GRAMD4: variants seen among roughly 807,000 people sequenced by gnomAD.
The protein encoded by GRAMD4 is GRAM domain containing 4, also known as GRAM domain-containing protein 4.
GRAMD4 carries 25 observed loss-of-function variants against 83.9 expected under a neutral mutation model. That is an observed-to-expected ratio of 0.30 (90% CI 0.22 to 0.42). The LOEUF is 0.42. Ranked by LOEUF, GRAMD4 falls within the 10% of genes least tolerant of loss-of-function variation. The pLI, the probability that GRAMD4 is intolerant of heterozygous loss-of-function variation, is 1.00. For synonymous variants in GRAMD4, 336 were observed against 320.9 expected (o/e 1.05, Z -0.50); for missense variants, 593 against 788.7 (o/e 0.75, Z 2.97).
chr22:46,631,507 G>T (rs2081777853), intron 2 of GRAMD4, among the ~76,000 whole-genome samples: 1 of 23,242 alleles, frequency 4.3e-5, no homozygotes, highest in African/African-American at 2.4e-4. Flanking sequence ...ACCGGGGATG[G>T]GTAGAACCTC....
intron 1 of GRAMD4, among the ~76,000 whole-genome samples, chr22:46,607,917 C>T (rs1165633612): frequency 2.0e-5 from 3 of 152,164 alleles, no homozygotes; most frequent in Non-Finnish European, 4.4e-5. Flanking sequence ...CTCCTCTGAG[C>T]ACCTTCCTGG....
At chr22:46,681,160 A>G (rs949518804), downstream of GRAMD4, among the ~76,000 whole-genome samples, 3 of 150,482 alleles carry the variant, frequency 2.0e-5, no homozygotes, top group East Asian at 5.9e-4. Flanking sequence ...GGCAGCCCAC[A>G]CTGACCCCTC....
chr22:46,671,724 C>T (rs2082509081), intron 13 of GRAMD4, among the ~76,000 whole-genome samples: 3 of 150,864 alleles, frequency 2.0e-5, no homozygotes, highest in Admixed American at 2.0e-4. Flanking sequence ...GGTAGGCTCC[C>T]AGCTACTCGA....
intron 2 of GRAMD4, among the ~76,000 whole-genome samples, chr22:46,633,265 A>G (rs1293744913): frequency 2.0e-5 from 3 of 152,194 alleles, no homozygotes; most frequent in African/African-American, 7.2e-5. Context: ...CCCCAGTGCC[A>G]GCATTGTCTG....
intron 1 of GRAMD4, among the ~76,000 whole-genome samples, chr22:46,625,917 C>G (rs895998049): frequency 1.3e-5 from 2 of 152,222 alleles, no homozygotes; most frequent in African/African-American, 4.8e-5. Flanking sequence ...CACAGTGACT[C>G]GCACCTCAGT....
chr22:46,584,138 T>G (rs2081124521), intron 1 of GRAMD4, among the ~76,000 whole-genome samples: 1 of 152,134 alleles, frequency 6.6e-6, no homozygotes, highest in East Asian at 1.9e-4. Context: ...GTGTGAGTCC[T>G]TCCTCACTTT....
chr22:46,585,148 C>A (rs755013381), intron 1 of GRAMD4, among the ~76,000 whole-genome samples: 1 of 151,554 alleles, frequency 6.6e-6, no homozygotes, highest in Non-Finnish European at 1.5e-5. Context: ...GTTTTCCAGG[C>A]AGCATTTTGG....
chr22:46,580,612 T>G (rs2081088039), intron 1 of GRAMD4, among the ~76,000 whole-genome samples: 1 of 152,120 alleles, frequency 6.6e-6, no homozygotes, highest in Non-Finnish European at 1.5e-5. Flanking sequence ...ATGTAATAGT[T>G]TAACTTGAGA....
chr22:46,612,667 C>A (rs930493044), intron 1 of GRAMD4, among the ~76,000 whole-genome samples: 1 of 152,210 alleles, frequency 6.6e-6, no homozygotes, highest in African/African-American at 2.4e-5. Flanking sequence ...ACCTGGAAAC[C>A]GAGGGTTAGG....
chr22:46,674,128 G>A (rs1433823202), intron 15 of GRAMD4, among the ~76,000 whole-genome samples: 1 of 152,270 alleles, frequency 6.6e-6, no homozygotes, highest in East Asian at 1.9e-4. Flanking sequence ...GGCGCTGGCA[G>A]GGGGTCTGCC....
chr22:46,599,044 G>T (rs1428377216), intron 1 of GRAMD4, among the ~76,000 whole-genome samples: 4 of 152,128 alleles, frequency 2.6e-5, no homozygotes, highest in African/African-American at 9.7e-5. Flanking sequence ...GGGTCCCAGG[G>T]AACTGTGTGA....
chr22:46,610,296 T>C (rs932474105), intron 1 of GRAMD4, among the ~76,000 whole-genome samples: 10 of 152,192 alleles, frequency 6.6e-5, no homozygotes, highest in African/African-American at 2.4e-4. Flanking sequence ...CGTGGGTTAG[T>C]GGGGACATGG....
intron 2 of GRAMD4, among the ~76,000 whole-genome samples, chr22:46,627,434 G>C (rs977709769): frequency 2.0e-5 from 3 of 152,364 alleles, no homozygotes; most frequent in African/African-American, 7.2e-5. Context: ...GTGGCCAGCT[G>C]GGGGGACAGC....
At chr22:46,652,198 C>T (rs1365650579) in intron 3 of GRAMD4, among the ~76,000 whole-genome samples, 2 of 152,004 alleles carry the variant, frequency 1.3e-5, no homozygotes, top group Non-Finnish European at 2.9e-5. Context: ...TATCTGGGGG[C>T]GCACAGTCAC....
At chr22:46,680,584 ATC>A (rs2082657634), downstream of GRAMD4, among the ~76,000 whole-genome samples, 1 of 141,618 alleles carries the variant, frequency 7.1e-6, no homozygotes, top group Non-Finnish European at 1.5e-5. Flanking sequence ...CCATCCATCC[ATC>A]CATCCATCCA....
chr22:46,672,904 G>A lies in GRAMD4; in HGVS notation c.1146G>A (p.Leu382=), dbSNP rs763776188. ...TCATCTTTAAACGCTGCCCGAGGCT[G>A]CGCGCCAAGTACGACACGCCCTATA... ...IDFIFKRCPR[L]RAKYDTPYII... Residue 382 remains leucine, a synonymous_variant, in exon 14 of 19, where the codon CTG becomes CTA. Coordinates refer to ENST00000406902, the MANE Select transcript of GRAMD4 (RefSeq NM_015124.5). The surrounding 1 kb of genome is among the most constrained non-coding windows in gnomAD (Gnocchi z 4.7). 90 of 1,612,314 alleles carry A rather than the reference G, an allele frequency of 5.6e-5. No individual in the cohort carries two copies. Among genetic ancestry groups the A allele is most frequent in the Non-Finnish European group, 7.5e-5 (88 of 1,179,556 alleles).
chr22:46,611,216 CAA>C (rs57021762), intron 1 of GRAMD4, among the ~76,000 whole-genome samples: 1 of 143,324 alleles, frequency 7.0e-6, no homozygotes, highest in African/African-American at 2.6e-5. Context: ...AACTCCATCT[CAA>C]AAAAAAAAAA....
At chr22:46,612,520 G>A (rs766228716) in intron 1 of GRAMD4, among the ~76,000 whole-genome samples, 9 of 152,214 alleles carry the variant, frequency 5.9e-5, no homozygotes, top group Admixed American at 2.6e-4. Context: ...TGTAGCAGGC[G>A]CTGCCAGCCC....
intron 2 of GRAMD4, among the ~76,000 whole-genome samples, chr22:46,637,569 C>G (rs2081909212): frequency 6.6e-6 from 1 of 152,220 alleles, no homozygotes; most frequent in South Asian, 2.1e-4. Flanking sequence ...TAAAGCCAGC[C>G]TTACAGGGGC....
Sources: allele counts gnomAD v4.1 joint callset (sites outside exome capture counted in the v4.1 genomes callset), GRCh38; gene constraint gnomAD v4.1.1; non-coding constraint Gnocchi (gnomAD v3.1); transcripts MANE v1.5; gene names NCBI Gene and HGNC (gene_info 2026-07-23, HGNC 2026-07-21).